GRK3: variants seen among roughly 807,000 people sequenced by gnomAD.
GRK3 encodes the protein adrenergic, beta, receptor kinase 2.
In GRK3, 54 loss-of-function variants were observed where a neutral mutation model predicts 95.7. The ratio of observed to expected loss-of-function variants is 0.56; its 90% confidence interval spans 0.45 to 0.71. The LOEUF (loss-of-function observed/expected upper bound fraction) is 0.71, where lower values mean the gene tolerates loss of function less well. Among genes scored for constraint, GRK3 ranks in the 30% least tolerant of loss-of-function variants. The pLI, the probability that GRK3 is intolerant of heterozygous loss-of-function variation, is 0.00. For missense variants in GRK3, 649 were observed against 851.2 expected, an observed-to-expected ratio of 0.76 and a Z score of 2.96; for synonymous variants, 281 against 290.8, an observed-to-expected ratio of 0.97 and a Z score of 0.34.
At chr22:25,670,022 A>G (rs1354865995) in intron 6 of GRK3, among the ~76,000 whole-genome samples, 2 of 152,240 alleles carry the variant, frequency 1.3e-5, no homozygotes, top group African/African-American at 4.8e-5. Context: ...AAAGTCTCAA[A>G]ACATAATTTT....
At position 25,724,576 on chromosome 22, in the gene GRK3, C is replaced by T. The variant is rs891859414; in HGVS notation, c.*2126C>T. The T allele has an allele frequency of 6.6e-6, 1 of 152,156 alleles. No homozygotes were observed. Among genetic ancestry groups the T allele is most frequent in the Non-Finnish European group, 1.5e-5 (1 of 68,036 alleles). The allele number at this position is 152,156 out of a possible 1,614,324, so 9.4% of individuals were successfully genotyped here. A position where few individuals can be genotyped will look rare whatever the true frequency, so the allele number is the denominator to read the frequency against. On this transcript the variant is annotated 3_prime_UTR_variant, in exon 21 of 21. Coordinates refer to ENST00000324198, the MANE Select transcript of GRK3 (RefSeq NM_005160.4). ...CTTTTGCTTCAAACAAAAGTGTAAACTTTTACACTTCCCCAACTCACATTT... is the reference window on the plus strand; with the variant it reads ...CTTTTGCTTCAAACAAAAGTGTAAATTTTTACACTTCCCCAACTCACATTT...
rs559941506 is a variant in GRK3, at chr22:25,662,796, T to C, written c.367-834T>C. On this transcript the variant is annotated intron_variant, in intron 4 of 20. Transcript: ENST00000324198. ...TTATGTAGTTCAGCAGTTTAGAGGG[T>C]GTTTATTCGTATGATGGTACTTTTA... 5.9e-5 allele frequency among the ~76,000 whole-genome samples: 9 copies of C among 152,272 alleles called. No individual in the cohort carries two copies. In the South Asian group the frequency reaches 1.7e-3, roughly 28 times the overall value.
rs141366731 is a variant in GRK3, at chr22:25,672,475, C to T, written c.555+128C>T. 1.8e-4 allele frequency: 115 copies of T among 631,794 alleles called. No individual in the cohort carries two copies. The Middle Eastern group carries it at 4.9e-3, about 27-fold the overall frequency. The allele number at this position is 631,794 out of a possible 1,614,324, so 39.1% of individuals were successfully genotyped here. A position where few individuals can be genotyped will look rare whatever the true frequency, so the allele number is the denominator to read the frequency against. On this transcript the variant is annotated intron_variant, in intron 7 of 20. Coordinates refer to ENST00000324198, the MANE Select transcript of GRK3 (RefSeq NM_005160.4). Reference sequence around the variant, plus strand: ...ACTGCCCAAACAGATGTCTGTCTTACAGCTTTAAGTACTAAGCATTCACCC... The same window carrying T: ...ACTGCCCAAACAGATGTCTGTCTTATAGCTTTAAGTACTAAGCATTCACCC...
intron 1 of GRK3, among the ~76,000 whole-genome samples, chr22:25,590,681 C>G (rs140372928): frequency 1.6e-4 from 25 of 152,236 alleles, no homozygotes; most frequent in East Asian, 1.4e-3. Context: ...ATTAGCCAGG[C>G]ATGGTGGTGG....
At chr22:25,701,630 A>G (rs1285216803) in intron 13 of GRK3, among the ~76,000 whole-genome samples, 1 of 152,226 alleles carries the variant, frequency 6.6e-6, no homozygotes, top group African/African-American at 2.4e-5. Context: ...TTTAGCACAG[A>G]GCGCTTGTGT....
At chr22:25,570,227 T>C (rs533053835) in intron 1 of GRK3, among the ~76,000 whole-genome samples, 27 of 152,340 alleles carry the variant, frequency 1.8e-4, no homozygotes, top group African/African-American at 6.5e-4. Context: ...CCCATGAGCT[T>C]GAAGGTGAAA....
intron 3 of GRK3, chr22:25,649,025 A>T (rs753591837): frequency 7.9e-7 from 1 of 1,273,464 alleles, no homozygotes; most frequent in Admixed American, 1.7e-5. Flanking sequence ...TGCCATATCC[A>T]GGTATGGTGA....
intron 2 of GRK3, among the ~76,000 whole-genome samples, chr22:25,620,005 T>TG (rs746342407): frequency 0.016 from 1,520 of 97,412 alleles, 7 homozygotes; most frequent in South Asian, 0.029. Context: ...CTTTGTCTTT[T>TG]TTGTGTGTGT....
chr22:25,682,655 T>C (rs1008357793), intron 9 of GRK3, among the ~76,000 whole-genome samples: 1 of 152,204 alleles, frequency 6.6e-6, no homozygotes, highest in African/African-American at 2.4e-5. Flanking sequence ...TAGTGACAAG[T>C]ATACACTTTA....
At chr22:25,607,650 C>T (rs1249990060) in intron 2 of GRK3, among the ~76,000 whole-genome samples, 1 of 152,060 alleles carries the variant, frequency 6.6e-6, no homozygotes, top group African/African-American at 2.4e-5. Context: ...AATCTCTGCT[C>T]ACTGCAACTT....
chr22:25,622,474 C>T (rs117304591), intron 2 of GRK3, among the ~76,000 whole-genome samples: 8 of 152,148 alleles, frequency 5.3e-5, no homozygotes, highest in Non-Finnish European at 1.0e-4. Flanking sequence ...TGTGGAGCAG[C>T]GTCGTCATCA....
intron 1 of GRK3, among the ~76,000 whole-genome samples, chr22:25,599,110 A>G (rs1364196498): frequency 1.3e-5 from 2 of 152,230 alleles, no homozygotes; most frequent in Non-Finnish European, 2.9e-5. Flanking sequence ...AGCTAAAACT[A>G]TAACACTTCT....
intron 5 of GRK3, among the ~76,000 whole-genome samples, chr22:25,665,999 G>A (rs1369485725): frequency 1.3e-5 from 2 of 152,162 alleles, no homozygotes; most frequent in Non-Finnish European, 2.9e-5. Context: ...GAATTCTCAC[G>A]ACAGCCTTAC....
chr22:25,598,493 G>A (rs1040438693), intron 1 of GRK3, among the ~76,000 whole-genome samples: 2 of 151,914 alleles, frequency 1.3e-5, no homozygotes, highest in African/African-American at 4.8e-5. Flanking sequence ...GCAACATGGT[G>A]AGACCCTGTC....
At chr22:25,631,910 T>A (rs917936008) in intron 2 of GRK3, among the ~76,000 whole-genome samples, 7 of 152,200 alleles carry the variant, frequency 4.6e-5, no homozygotes, top group Non-Finnish European at 1.0e-4. Flanking sequence ...AGTAGTTCAT[T>A]CCCGTGTATT....
At chr22:25,658,857 G>C (rs1421264205) in intron 3 of GRK3, among the ~76,000 whole-genome samples, 1 of 152,092 alleles carries the variant, frequency 6.6e-6, no homozygotes, top group Admixed American at 6.6e-5. Context: ...TTTTGATAAA[G>C]AAGACTGGGA....
chr22:25,614,117 C>CT (rs969455167), intron 2 of GRK3, among the ~76,000 whole-genome samples: 6 of 151,852 alleles, frequency 4.0e-5, no homozygotes, highest in African/African-American at 1.2e-4. Context: ...AATGTATTAT[C>CT]TTTTTTTTAA....
At chr22:25,700,765 T>C (rs1407346840) in intron 13 of GRK3, among the ~76,000 whole-genome samples, 2 of 152,146 alleles carry the variant, frequency 1.3e-5, no homozygotes, top group Non-Finnish European at 2.9e-5. Flanking sequence ...TTTTTGTATT[T>C]TTAGTAGAGA....
intron 2 of GRK3, among the ~76,000 whole-genome samples, chr22:25,627,428 C>T (rs2084635898): frequency 6.6e-6 from 1 of 152,184 alleles, no homozygotes; most frequent in South Asian, 2.1e-4. Flanking sequence ...ACTTGCTCTG[C>T]CTAAATTGAA....
Sources: gnomAD v4.1 joint callset for allele counts (sites outside exome capture counted in the v4.1 genomes callset) on GRCh38, gnomAD v4.1.1 for gene constraint, MANE v1.5 for transcripts, NCBI Gene and HGNC (gene_info 2026-07-23, HGNC 2026-07-21) for gene names.